The following GBF1 variants were observed in gnomAD, a reference collection of about 807,000 sequenced individuals.
GBF1 encodes the protein golgi brefeldin A resistant guanine nucleotide exchange factor 1, also known as Golgi-specific brefeldin A-resistance guanine nucleotide exchange factor 1.
Under a neutral mutation model 210.5 loss-of-function variants are expected in GBF1, and 114 were observed. The ratio of observed to expected loss-of-function variants is 0.54; its 90% CI spans 0.47 to 0.63. GBF1 has a LOEUF of 0.63. Ranked by LOEUF, GBF1 falls within the 30% of genes least tolerant of loss-of-function variation. The pLI is 0.00. For synonymous variants in GBF1, 850 were observed against 889.2 expected (o/e 0.96, Z 0.78); for missense variants, 1,851 against 2,357.7 (o/e 0.79, Z 4.45).
At chr10:102,342,728 C>G (rs2058285961) in intron 3 of GBF1, among the ~76,000 whole-genome samples, 1 of 152,036 alleles carries the variant, frequency 6.6e-6, no homozygotes, top group Admixed American at 6.6e-5. Context: ...CAGCCTAGAT[C>G]ACATCCCTAA....
At position 102,352,981 on chromosome 10, in the gene GBF1, G is replaced by A. The variant is rs527257731; in HGVS notation, c.584+463G>A. ...AAACCAAGATGGTTGGTTACCCTTTGGTAAGGCCCTTAGCCTAGGGCCTAG... is the reference window on the plus strand; with the variant it reads ...AAACCAAGATGGTTGGTTACCCTTTAGTAAGGCCCTTAGCCTAGGGCCTAG... On this transcript the variant is annotated intron_variant, in intron 7 of 39. Coordinates refer to ENST00000369983, the MANE Select transcript of GBF1 (RefSeq NM_001377137.1). 5.3e-5 allele frequency among the ~76,000 whole-genome samples: 8 copies of A among 152,222 alleles called. No homozygotes were observed. The South Asian group carries it at 1.7e-3, about 32-fold the overall frequency.
At chr10:102,361,000 C>G (rs774900644) in intron 12 of GBF1, 22 bp from the exon 13 acceptor site, 1 of 1,131,484 alleles carries the variant, frequency 8.8e-7, no homozygotes. Context: ...AAACTCATGG[C>G]CTACCCTGCT....
At chr10:102,333,170 G>A (rs566096412) in intron 3 of GBF1, among the ~76,000 whole-genome samples, 1 of 152,336 alleles carries the variant, frequency 6.6e-6, no homozygotes, top group African/African-American at 2.4e-5. Flanking sequence ...CACAGTTAAT[G>A]ACAGAATCAG....
chr10:102,352,262 C>G (rs1342850352), intron 6 of GBF1, among the ~76,000 whole-genome samples, 196 bp from the exon 7 acceptor site: 1 of 152,158 alleles, frequency 6.6e-6, no homozygotes, highest in African/African-American at 2.4e-5. Context: ...TCTATACCTC[C>G]CCTTTTTTCC....
the GBF1 span, chr10:102,232,109 A>C: frequency 7.1e-7 from 1 of 1,416,628 alleles, no homozygotes; most frequent in Non-Finnish European, 9.8e-7. Flanking sequence ...GCGAGAGAAG[A>C]CACAGACCAG....
chr10:102,366,385 C>A lies in GBF1; in HGVS notation c.2312C>A (p.Thr771Asn), dbSNP rs1322333302. 2 of 1,613,902 alleles carry A rather than the reference C, an allele frequency of 1.2e-6. No homozygotes were observed. The highest frequency in any genetic ancestry group is 2.7e-5 in the African/African-American group (2 of 74,900). ...CTTCTTCCTTTCTTTCCCTATAGCA[C>A]CTTCAGTTTTCAGGGTCTGCGACTG... ...NIDLLESFVSTFSFQGLRLDE... is the reference protein window; with the variant it reads ...NIDLLESFVSNFSFQGLRLDE... The change falls in exon 19 of 40, where the codon ACC becomes AAC. Residue 771 changes from threonine to asparagine, a missense_variant and splice_region_variant. Physicochemically the swap from Thr to Asn is moderately conservative, Grantham distance 65. Transcript: ENST00000369983. This position sits in a 1 kb window ranked among gnomAD's most constrained non-coding sequence, Gnocchi z 4.0.
chr10:102,325,676 GTC>G (rs780180452), intron 3 of GBF1, among the ~76,000 whole-genome samples: 1 of 151,434 alleles, frequency 6.6e-6, no homozygotes, highest in Non-Finnish European at 1.5e-5. Context: ...TTAAGACACA[GTC>G]TCACTCTGTC....
At chr10:102,244,518 T>C (rs1204861156), upstream of GBF1, among the ~76,000 whole-genome samples, 1 of 152,162 alleles carries the variant, frequency 6.6e-6, no homozygotes, top group Admixed American at 6.5e-5. Flanking sequence ...AGGAGGCAGC[T>C]GGGGGCAAGA....
chr10:102,322,358 C>G (rs1469955726), intron 3 of GBF1, among the ~76,000 whole-genome samples: 1 of 152,134 alleles, frequency 6.6e-6, no homozygotes, highest in Non-Finnish European at 1.5e-5. Context: ...TATGGCTTCT[C>G]CATTTAGTCA....
chr10:102,284,448 A>G (rs1482901040), intron 3 of GBF1, among the ~76,000 whole-genome samples: 1 of 152,102 alleles, frequency 6.6e-6, no homozygotes, highest in African/African-American at 2.4e-5. Context: ...CCTGGTAGCC[A>G]TCCATCTGCA....
intron 5 of GBF1, 22 bp downstream of exon 5, chr10:102,351,396 A>G (rs776322722): frequency 1.6e-6 from 2 of 1,221,258 alleles, no homozygotes; most frequent in East Asian, 4.6e-5. Context: ...GGAAATAGCA[A>G]TTAGGCTAAT....
Position 102,361,145 on chromosome 10 carries a change from A to G in GBF1, c.1491+25A>G, listed in dbSNP as rs1479697194. 4 of 1,200,868 alleles carry G rather than the reference A, an allele frequency of 3.3e-6. No individual in the cohort carries two copies. In the African/African-American group the frequency reaches 6.0e-5, roughly 18 times the overall value. The allele number at this position is 1,200,868 out of a possible 1,614,324, so 74.4% of individuals were successfully genotyped here. ...GGTGAGTTTCTTGATGTGGAAAGAA[A>G]AGGGGGAAAAAAAATAGGGAGATAT... On this transcript the variant is annotated intron_variant, in intron 13 of 39. Coordinates refer to ENST00000369983, the MANE Select transcript of GBF1 (RefSeq NM_001377137.1).
chr10:102,288,529 GT>G, intron 3 of GBF1, among the ~76,000 whole-genome samples: 1 of 151,160 alleles, frequency 6.6e-6, no homozygotes, highest in Non-Finnish European at 1.5e-5. Flanking sequence ...GGCTAACAAG[GT>G]GAAACCCCGT....
chr10:102,379,224 G>C, intron 33 of GBF1, 60 bp from the exon 34 acceptor site: 1 of 1,528,384 alleles, frequency 6.5e-7, no homozygotes, highest in South Asian at 1.2e-5. Flanking sequence ...GAGTGGGGAG[G>C]GGGAAAGGGA....
chr10:102,251,731 T>C (rs2071567667), intron 1 of GBF1, among the ~76,000 whole-genome samples: 1 of 152,062 alleles, frequency 6.6e-6, no homozygotes, highest in African/African-American at 2.4e-5. Flanking sequence ...TTTTTCTTTA[T>C]GTTTTGTAGA....
intron 4 of GBF1, among the ~76,000 whole-genome samples, chr10:102,346,955 C>T (rs910967693): frequency 2.6e-5 from 4 of 152,170 alleles, no homozygotes; most frequent in African/African-American, 9.7e-5. Context: ...CATAGCATTA[C>T]AATTATTTGC....
chr10:102,321,272 G>A (rs1055972213), intron 3 of GBF1, among the ~76,000 whole-genome samples: 4 of 152,082 alleles, frequency 2.6e-5, no homozygotes, highest in African/African-American at 4.8e-5. Context: ...GTGTTGCATT[G>A]TTCACCATCA....
At chr10:102,362,181 C>T (rs960078192) in intron 14 of GBF1, among the ~76,000 whole-genome samples, 8 of 151,316 alleles carry the variant, frequency 5.3e-5, no homozygotes, top group African/African-American at 1.2e-4. Flanking sequence ...CTCAGCCTCC[C>T]GAGTAGCTGG....
Position 102,358,832 on chromosome 10 carries a change from G to A in GBF1, c.1011+103G>A, listed in dbSNP as rs942222776. 9 of 731,960 alleles carry A rather than the reference G, an allele frequency of 1.2e-5. No homozygotes were observed. The Admixed American group carries it at 2.2e-4, about 18-fold the overall frequency. The allele number at this position is 731,960 out of a possible 1,614,324, so 45.3% of individuals were successfully genotyped here. Reference sequence around the variant, plus strand: ...GGACTTGGCTCGAAAGAAGCTTGGGGTAACTTCAAAAGAAGCTCTGATCTT... The same window carrying A: ...GGACTTGGCTCGAAAGAAGCTTGGGATAACTTCAAAAGAAGCTCTGATCTT... On this transcript the variant is annotated intron_variant, in intron 10 of 39. Coordinates refer to ENST00000369983, the MANE Select transcript of GBF1 (RefSeq NM_001377137.1).
Sources: gnomAD v4.1 joint callset for allele counts (sites outside exome capture counted in the v4.1 genomes callset) on GRCh38, gnomAD v4.1.1 for gene constraint, Gnocchi (gnomAD v3.1) non-coding constraint, MANE v1.5 for transcripts, NCBI Gene and HGNC (gene_info 2026-07-23, HGNC 2026-07-21) for gene names.